ZDHHC5: variants seen among roughly 807,000 people sequenced by gnomAD.
ZDHHC5 encodes the protein zDHHC palmitoyltransferase 5, also known as palmitoyltransferase ZDHHC5.
ZDHHC5 carries 22 observed loss-of-function variants against 70.0 expected under a neutral mutation model. The ratio of observed to expected loss-of-function variants is 0.31; its 90% CI spans 0.22 to 0.45. The LOEUF (loss-of-function observed/expected upper bound fraction) is 0.45. ZDHHC5 is among the 20% of genes least tolerant of loss of function. The probability of loss-of-function intolerance (pLI) is 1.00; values close to 1 mark genes in which losing one functional copy is unlikely to be tolerated. For missense variants in ZDHHC5, 746 were observed against 926.9 expected (o/e 0.80, Z 2.53); for synonymous variants, 313 against 347.8 (o/e 0.90, Z 1.11).
intron 2 of ZDHHC5, among the ~76,000 whole-genome samples, chr11:57,676,551 C>T (rs562656730): frequency 2.0e-5 from 3 of 152,228 alleles, no homozygotes; most frequent in East Asian, 3.9e-4. Context: ...AGTCTGTTAA[C>T]CTTTGTGGAC....
intron 3 of ZDHHC5, among the ~76,000 whole-genome samples, chr11:57,684,442 G>A (rs371133599): frequency 2.6e-5 from 4 of 152,114 alleles, no homozygotes; most frequent in Non-Finnish European, 5.9e-5. Context: ...AAAATTAGCC[G>A]GGTGTGGTGG....
At chr11:57,684,688 T>G (rs183025879) in intron 3 of ZDHHC5, among the ~76,000 whole-genome samples, 1 of 152,166 alleles carries the variant, frequency 6.6e-6, no homozygotes, top group African/African-American at 2.4e-5. Context: ...CTTTCTGGAA[T>G]AGGAGGGGAG....
intron 3 of ZDHHC5, among the ~76,000 whole-genome samples, chr11:57,685,742 C>T (rs917644273): frequency 3.3e-5 from 5 of 151,856 alleles, no homozygotes; most frequent in Admixed American, 6.6e-5. Context: ...ACAAATACAC[C>T]GTGGGCCGGG....
At chr11:57,669,711 G>A (rs1466598666) in intron 1 of ZDHHC5, among the ~76,000 whole-genome samples, 2 of 152,110 alleles carry the variant, frequency 1.3e-5, no homozygotes, top group Non-Finnish European at 2.9e-5. Context: ...CGCCCGCCTC[G>A]GCCTCCCAAA....
intron 8 of ZDHHC5, among the ~76,000 whole-genome samples, chr11:57,695,006 T>A (rs1946331574): frequency 6.6e-6 from 1 of 152,188 alleles, no homozygotes; most frequent in Non-Finnish European, 1.5e-5. Flanking sequence ...CTTATGCCTG[T>A]AATCCCAACA....
chr11:57,696,807 C>T lies in ZDHHC5; in HGVS notation c.1056C>T (p.Tyr352=). 6.2e-7 allele frequency: 1 copy of T among 1,614,092 alleles called. No individual in the cohort carries two copies. Residue 352 remains tyrosine (Y), a synonymous_variant, in exon 10 of 12, where the codon TAC becomes TAT. Transcript: ENST00000287169. ...ACAGCCCCCCGACACCTACCATGTA[C>T]AAGTATCGGCCGGGTTACAGTAGCA... The part of the protein sequence containing the change: ...AKDSPPTPTM[Y]KYRPGYSSSS...
rs930205504 is a variant in ZDHHC5, at chr11:57,684,058, A to AC, written c.226+1523dup. Among the ~76,000 whole-genome samples the AC allele has an allele frequency of 5.9e-4, 76 of 128,210 alleles. 2 individuals are homozygous for AC. The South Asian group carries it at 0.018, about 30-fold the overall frequency. The allele number at this position is 128,210 out of a possible 152,430, so 84.1% of individuals were successfully genotyped here. ...GCAATCACGGCTCACTGCAGCCTTGACCCCCCCCTGGCTCAGGTGATCTCC... is the reference window on the plus strand; with the variant it reads ...GCAATCACGGCTCACTGCAGCCTTGACCCCCCCCCTGGCTCAGGTGATCTCC... On this transcript the variant is annotated intron_variant, in intron 3 of 11. Coordinates refer to ENST00000287169, the MANE Select transcript of ZDHHC5 (RefSeq NM_015457.3).
chr11:57,684,594 G>A (rs1396669042), intron 3 of ZDHHC5, among the ~76,000 whole-genome samples: 3 of 152,132 alleles, frequency 2.0e-5, no homozygotes, highest in African/African-American at 7.2e-5. Flanking sequence ...GTTGAAGAAA[G>A]GTGATAATTG....
At chr11:57,679,768 TAAATC>T (rs1946124702) in intron 2 of ZDHHC5, among the ~76,000 whole-genome samples, 1 of 152,142 alleles carries the variant, frequency 6.6e-6, no homozygotes, top group South Asian at 2.1e-4. Context: ...AGCCTCTCCT[TAAATC>T]AAGCAGAATT....
rs769554945 is a variant in ZDHHC5, at chr11:57,699,377, T to A, written c.1941T>A (p.Ser647=). The change falls in exon 11 of 12, where the codon TCT becomes TCA. Residue 647 remains serine (S), a synonymous_variant. Transcript: ENST00000287169. ...GCCAAAAAGCCCAACCTGGTGTCTC[T>A]GAGACAGAAGAAGTGGCCTTGCAGC... The part of the protein sequence containing the change: ...YSSQKAQPGV[S]ETEEVALQPL... 2 of 1,599,142 alleles carry A rather than the reference T, an allele frequency of 1.3e-6. No individual in the cohort carries two copies. Among genetic ancestry groups the A allele is most frequent in the Middle Eastern group, 1.7e-4 (1 of 5,978 alleles).
At chr11:57,699,777 AT>A in intron 11 of ZDHHC5, 88 bp from the exon 12 acceptor site, 1 of 1,516,780 alleles carries the variant, frequency 6.6e-7, no homozygotes, top group Non-Finnish European at 9.1e-7. Context: ...AAAGAACATC[AT>A]TTTTTTCTCT....
chr11:57,680,731 T>C (rs1210419157), intron 2 of ZDHHC5, among the ~76,000 whole-genome samples: 3 of 152,114 alleles, frequency 2.0e-5, no homozygotes, highest in African/African-American at 7.2e-5. Context: ...TCTCCCTCCT[T>C]CTTAAGGAAC....
intron 2 of ZDHHC5, among the ~76,000 whole-genome samples, chr11:57,678,570 CAAA>C (rs34342337): frequency 9.9e-6 from 1 of 101,460 alleles, no homozygotes. Context: ...AACTCTGTCT[CAAA>C]AAAAAAAAAA....
rs535160760 is a variant in ZDHHC5 at position 57,686,137 on chromosome 11, A to AT, written c.227-2370dup. On this transcript the variant is annotated intron_variant, in intron 3 of 11. Coordinates refer to ENST00000287169, the MANE Select transcript of ZDHHC5 (RefSeq NM_015457.3). ...AAAATAAGGAGCATTGCAACTGGGC[A>AT]TGCTGGTGCCCACCTGCGGTTCCAG... Among the ~76,000 whole-genome samples the AT allele has an allele frequency of 3.1e-4, 47 of 152,196 alleles. 1 individual carries two copies. In the South Asian group the frequency reaches 9.8e-3, roughly 32 times the overall value.
intron 1 of ZDHHC5, among the ~76,000 whole-genome samples, chr11:57,669,109 A>G (rs1315101836): frequency 6.6e-6 from 1 of 152,156 alleles, no homozygotes; most frequent in Non-Finnish European, 1.5e-5. Context: ...CCATTGTATA[A>G]ACTTAATGTT....
chr11:57,678,259 T>C (rs1590858890), intron 2 of ZDHHC5, among the ~76,000 whole-genome samples: 1 of 152,324 alleles, frequency 6.6e-6, no homozygotes, highest in Admixed American at 6.5e-5. Flanking sequence ...TTAATAATGT[T>C]TTCTTTTGTC....
chr11:57,671,931 C>G (rs1946011732), intron 1 of ZDHHC5, 90 bp from the exon 2 acceptor site: 1 of 261,584 alleles, frequency 3.8e-6, no homozygotes, highest in African/African-American at 2.2e-5. Context: ...TCAGAAAGTA[C>G]TTTTTAACAG....
intron 2 of ZDHHC5, among the ~76,000 whole-genome samples, chr11:57,679,990 C>T (rs763482388): frequency 2.0e-5 from 3 of 152,176 alleles, no homozygotes; most frequent in Non-Finnish European, 4.4e-5. Flanking sequence ...CAGGATTACA[C>T]ACTTTATCTG....
At chr11:57,673,364 C>T (rs1565189796) in intron 2 of ZDHHC5, among the ~76,000 whole-genome samples, 170 bp downstream of exon 2, 1 of 152,166 alleles carries the variant, frequency 6.6e-6, no homozygotes, top group Non-Finnish European at 1.5e-5. Context: ...AAAAGCCTGT[C>T]CTTTCAGTCG....
Sources: gnomAD v4.1 joint callset for allele counts (sites outside exome capture counted in the v4.1 genomes callset) on GRCh38, gnomAD v4.1.1 for gene constraint, MANE v1.5 for transcripts, NCBI Gene and HGNC (gene_info 2026-07-23, HGNC 2026-07-21) for gene names.